CALN1: variants seen among roughly 807,000 people sequenced by gnomAD.
CALN1 encodes the protein calneuron 1.
CALN1 carries 17 observed loss-of-function variants against 30.6 expected under a neutral mutation model. That is an observed-to-expected ratio of 0.56 (90% confidence interval 0.38 to 0.83). The LOEUF (loss-of-function observed/expected upper bound fraction) is 0.83, where lower values mean the gene tolerates loss of function less well. Among genes scored for constraint, CALN1 ranks in the 40% least tolerant of loss-of-function variants. CALN1 has a pLI of 0.00. For missense variants in CALN1, 291 were observed against 354.9 expected (o/e 0.82, Z 1.45); for synonymous variants, 156 against 131.4 (o/e 1.19, Z -1.28).
chr7:72,406,972 G>A (rs1806738582), intron 1 of CALN1, among the ~76,000 whole-genome samples: 1 of 152,024 alleles, frequency 6.6e-6, no homozygotes, highest in African/African-American at 2.4e-5. Flanking sequence ...CACTGAAAAT[G>A]CCCCTGGAAC....
chr7:72,283,402 G>A lies in CALN1; in HGVS notation c.120-4592C>T, dbSNP rs79832727. Reference sequence around the variant, plus strand: ...TAAAAAAATTTAGCTGGGCATGGTGGCACACACATGTAGTCATAGCTACTC... The same window carrying A: ...TAAAAAAATTTAGCTGGGCATGGTGACACACACATGTAGTCATAGCTACTC... On this transcript the variant is annotated intron_variant, in intron 2 of 6. Coordinates refer to ENST00000395275, the MANE Select transcript of CALN1 (RefSeq NM_031468.4). 5.9e-5 allele frequency among the ~76,000 whole-genome samples: 9 copies of A among 152,176 alleles called. No homozygotes were observed. In the East Asian group the frequency reaches 1.2e-3, roughly 20 times the overall value.
At chr7:71,912,270 C>A (rs1429183978) in intron 5 of CALN1, among the ~76,000 whole-genome samples, 1 of 151,950 alleles carries the variant, frequency 6.6e-6, no homozygotes, top group Non-Finnish European at 1.5e-5. Flanking sequence ...AGACTTTCTG[C>A]TGTGCCAGAG....
chr7:71,795,733 G>GTCA (rs1786860645), intron 6 of CALN1, among the ~76,000 whole-genome samples: 1 of 151,606 alleles, frequency 6.6e-6, no homozygotes, highest in African/African-American at 2.4e-5. Flanking sequence ...CATACAGTAG[G>GTCA]TGACCTTTCG....
At chr7:72,086,783 A>T (rs919648339) in intron 4 of CALN1, among the ~76,000 whole-genome samples, 11 of 152,148 alleles carry the variant, frequency 7.2e-5, no homozygotes, top group Non-Finnish European at 1.2e-4. Flanking sequence ...ATTAAAAAAT[A>T]AAAAAATAGT....
In CALN1 at chr7:72,278,703, G is replaced by A. The variant is rs754933014; in HGVS notation, c.227C>T (p.Ser76Phe). 6.2e-7 allele frequency: 1 copy of A among 1,613,732 alleles called. No homozygotes were observed. The highest frequency in any genetic ancestry group is 8.5e-7 in the Non-Finnish European group (1 of 1,179,676). The change falls in exon 3 of 7, where the codon TCC becomes TTC. Residue 76 changes from serine to phenylalanine, a missense_variant. Coordinates refer to ENST00000395275, the MANE Select transcript of CALN1 (RefSeq NM_031468.4). ...GSDSEQLANI[S>F]VEELDEIREA... is the part of the protein sequence containing the mutation. ...CTCCTTACCATCGAGCTCCTCCACG[G>A]AGATATTAGCCAGCTGTTCGCTGTC...
chr7:72,014,512 G>A (rs1260389345), intron 5 of CALN1, among the ~76,000 whole-genome samples: 2 of 152,110 alleles, frequency 1.3e-5, no homozygotes, highest in Non-Finnish European at 2.9e-5. Flanking sequence ...CGGTGAGGTC[G>A]AGCTGTTTTA....
intron 5 of CALN1, among the ~76,000 whole-genome samples, chr7:71,928,518 C>T (rs534955458): frequency 2.6e-5 from 4 of 151,624 alleles, no homozygotes; most frequent in Admixed American, 1.3e-4. Context: ...TTTTGATCCA[C>T]GGTTATTTGA....
intron 4 of CALN1, among the ~76,000 whole-genome samples, chr7:72,033,477 C>T (rs992819065): frequency 1.3e-5 from 2 of 150,472 alleles, no homozygotes; most frequent in African/African-American, 4.9e-5. Context: ...GAAGGGAGTG[C>T]TATAATTGAC....
At chr7:72,106,426 T>C (rs1807114385) in intron 3 of CALN1, 132 bp from the exon 4 acceptor site, 4 of 994,584 alleles carry the variant, frequency 4.0e-6, no homozygotes, top group Non-Finnish European at 5.6e-6. Flanking sequence ...TTTAATCAGA[T>C]AAAAGGGAGG....
At chr7:72,408,353 G>C (rs1009328990) in intron 1 of CALN1, among the ~76,000 whole-genome samples, 1 of 151,800 alleles carries the variant, frequency 6.6e-6, no homozygotes, top group Non-Finnish European at 1.5e-5. Context: ...AGGCATGAAA[G>C]AGAATCACTT....
In CALN1 at chr7:71,944,338, T is replaced by C. The variant is rs1354434197; in HGVS notation, c.501+79319A>G. Among the ~76,000 whole-genome samples the C allele has an allele frequency of 2.0e-5, 3 of 152,188 alleles. No homozygotes were observed. In the South Asian group the frequency reaches 6.2e-4, roughly 31 times the overall value. On this transcript the variant is annotated intron_variant, in intron 5 of 6. Coordinates refer to ENST00000395275, the MANE Select transcript of CALN1 (RefSeq NM_031468.4). ...GGCTGGGCGTGGTGGCTCACACCTG[T>C]AATCCCAGCACTTTGGGAGGCTGAG...
rs564372437 is a variant in CALN1 at position 71,884,277 on chromosome 7, C to T, written c.502-73785G>A. ...TTTTGGGGATGGGTTTGCATAGACC[C>T]GCCCACCTTGAAACATACGCCTTAA... On this transcript the variant is annotated intron_variant, in intron 5 of 6. Coordinates refer to ENST00000395275, the MANE Select transcript of CALN1 (RefSeq NM_031468.4). 4.6e-5 allele frequency among the ~76,000 whole-genome samples: 7 copies of T among 152,192 alleles called. No homozygotes were observed. The East Asian group carries it at 1.2e-3, about 25-fold the overall frequency.
the CALN1 span, among the ~76,000 whole-genome samples, chr7:72,484,822 C>T: frequency 6.6e-5 from 10 of 152,198 alleles, no homozygotes; most frequent in Admixed American, 3.9e-4. Context: ...TTTATCATCT[C>T]ATTTCATCTC....
chr7:71,844,120 G>C (rs530220540), intron 5 of CALN1, among the ~76,000 whole-genome samples: 53 of 152,288 alleles, frequency 3.5e-4, no homozygotes, highest in Non-Finnish European at 4.9e-4. Context: ...TTTCTCCATA[G>C]AGCAGGCTAC....
chr7:72,097,727 T>A (rs1355517320), intron 4 of CALN1, among the ~76,000 whole-genome samples: 2 of 152,028 alleles, frequency 1.3e-5, no homozygotes, highest in Admixed American at 6.6e-5. Context: ...ATATATATAT[T>A]TTTTGAGACA....
intron 2 of CALN1, among the ~76,000 whole-genome samples, chr7:72,344,551 T>A (rs1406172216): frequency 6.8e-6 from 1 of 147,400 alleles, no homozygotes. Flanking sequence ...ATTGAGGGGA[T>A]AAATATATAT....
chr7:72,377,152 T>C (rs368116060), intron 2 of CALN1, among the ~76,000 whole-genome samples: 6 of 152,200 alleles, frequency 3.9e-5, no homozygotes, highest in South Asian at 4.1e-4. Context: ...CTTTTTCAGA[T>C]TGTCTAGTCA....
intron 5 of CALN1, among the ~76,000 whole-genome samples, chr7:71,888,083 G>A (rs1381556215): frequency 6.6e-6 from 1 of 152,116 alleles, no homozygotes; most frequent in East Asian, 1.9e-4. Flanking sequence ...GGAAGTCTGG[G>A]ATAAAAGCAT....
At chr7:71,999,545 ACT>A (rs1409973254) in intron 5 of CALN1, among the ~76,000 whole-genome samples, 13 of 151,104 alleles carry the variant, frequency 8.6e-5, no homozygotes, top group African/African-American at 2.4e-4. Context: ...TTGGAATCTC[ACT>A]CTGTCACCCA....
Sources: gnomAD v4.1 joint callset for allele counts (sites outside exome capture counted in the v4.1 genomes callset) on GRCh38, gnomAD v4.1.1 for gene constraint, MANE v1.5 for transcripts, NCBI Gene and HGNC (gene_info 2026-07-23, HGNC 2026-07-21) for gene names.